The following FYB1 variants were observed in gnomAD, a reference collection of about 807,000 sequenced individuals.
The protein encoded by FYB1 is FYN-binding protein 1.
In FYB1, 41 loss-of-function variants were observed where a neutral mutation model predicts 94.1. The observed-to-expected ratio is 0.44, with a 90% CI of 0.34 to 0.57. The LOEUF (loss-of-function observed/expected upper bound fraction) is 0.57, where lower values mean the gene tolerates loss of function less well. FYB1 is among the 20% of genes least tolerant of loss of function. The pLI, the probability that FYB1 is intolerant of heterozygous loss-of-function variation, is 0.02. For synonymous variants in FYB1, 367 were observed against 353.2 expected, an observed-to-expected ratio of 1.04 and a Z score of -0.44; for missense variants, 1,050 against 976.8, an observed-to-expected ratio of 1.07 and a Z score of -1.00.
chr5:39,273,244 G>A (rs751297192), intron 1 of FYB1, among the ~76,000 whole-genome samples: 3 of 152,214 alleles, frequency 2.0e-5, no homozygotes, highest in Non-Finnish European at 4.4e-5. Flanking sequence ...GATGGTTGCT[G>A]TGTCTGTGTA....
At chr5:39,270,553 A>C in intron 1 of FYB1, 1 of 1,534,308 alleles carries the variant, frequency 6.5e-7, no homozygotes, top group Admixed American at 2.0e-5. Flanking sequence ...GGAGAGTTAT[A>C]AAATCTATTA....
At chr5:39,216,681 T>C (rs966448235) in intron 1 of FYB1, among the ~76,000 whole-genome samples, 1 of 152,220 alleles carries the variant, frequency 6.6e-6, no homozygotes, top group Non-Finnish European at 1.5e-5. Flanking sequence ...AAAGACTGTT[T>C]CATGATTATT....
intron 2 of FYB1, among the ~76,000 whole-genome samples, chr5:39,186,443 A>G (rs1286753186): frequency 3.9e-5 from 6 of 152,008 alleles, no homozygotes; most frequent in Non-Finnish European, 8.8e-5. Context: ...CAAAACAAAA[A>G]AGGCAACACT....
chr5:39,252,726 G>C (rs540172992), intron 1 of FYB1, among the ~76,000 whole-genome samples: 1 of 152,076 alleles, frequency 6.6e-6, no homozygotes, highest in Non-Finnish European at 1.5e-5. Flanking sequence ...TTTTACCCTA[G>C]AGAACTAGGA....
intron 1 of FYB1, among the ~76,000 whole-genome samples, chr5:39,215,323 G>A (rs117502672): frequency 6.6e-6 from 1 of 152,264 alleles, no homozygotes; most frequent in East Asian, 1.9e-4. Context: ...AAATCCATTT[G>A]AGAAATATAA....
At chr5:39,215,341 TCTCA>T (rs1469889682) in intron 1 of FYB1, among the ~76,000 whole-genome samples, 1 of 152,156 alleles carries the variant, frequency 6.6e-6, no homozygotes, top group Non-Finnish European at 1.5e-5. Flanking sequence ...TAAACACAAC[TCTCA>T]CTGACTACTT....
rs146021755 is a variant in FYB1 at position 39,179,693 on chromosome 5, G to C, written c.1135+22133C>G. On this transcript the variant is annotated intron_variant, in intron 2 of 18. Coordinates refer to ENST00000512982, the MANE Select transcript of FYB1 (RefSeq NM_001465.6). ...CCCAAGTACCAATGTCTACCAGGCT[G>C]GTCTCAAACTCCTGACCTCAGGTGA... Among the ~76,000 whole-genome samples the C allele has an allele frequency of 6.7e-3, 1,023 of 151,992 alleles. 43 individuals carry two copies. The East Asian group carries it at 0.12, about 18-fold the overall frequency.
chr5:39,257,981 T>G (rs1371896525), intron 1 of FYB1, among the ~76,000 whole-genome samples: 1 of 152,158 alleles, frequency 6.6e-6, no homozygotes, highest in Non-Finnish European at 1.5e-5. Context: ...ATCTCAAACT[T>G]GAGCGTGCAT....
At chr5:39,262,762 A>G (rs1287064055) in intron 1 of FYB1, among the ~76,000 whole-genome samples, 3 of 152,196 alleles carry the variant, frequency 2.0e-5, no homozygotes, top group African/African-American at 7.2e-5. Context: ...GATATTCTTG[A>G]AAAAAACCCA....
intron 16 of FYB1, among the ~76,000 whole-genome samples, chr5:39,117,824 AT>A (rs1300468265): frequency 6.6e-6 from 1 of 152,094 alleles, no homozygotes; most frequent in Non-Finnish European, 1.5e-5. Flanking sequence ...TCTTCTCGGG[AT>A]TTAAATACGC....
intron 2 of FYB1, chr5:39,170,412 C>A: frequency 2.0e-6 from 1 of 508,536 alleles, no homozygotes. Context: ...CGTCCTGGGC[C>A]GGACCCCCTC....
chr5:39,125,909 T>G, intron 12 of FYB1, 89 bp downstream of exon 12: 1 of 1,258,638 alleles, frequency 7.9e-7, no homozygotes, highest in Non-Finnish European at 1.1e-6. Context: ...TATCAGAATT[T>G]GGTTATTGGT....
intron 2 of FYB1, among the ~76,000 whole-genome samples, chr5:39,170,939 T>C (rs1327775452): frequency 6.6e-6 from 1 of 152,178 alleles, no homozygotes; most frequent in Non-Finnish European, 1.5e-5. Flanking sequence ...ATCAGAACGC[T>C]CCTTTCCCCT....
intron 4 of FYB1, chr5:39,139,667 A>T (rs1376182667): frequency 1.3e-5 from 2 of 152,814 alleles, no homozygotes; most frequent in Non-Finnish European, 2.9e-5. Flanking sequence ...GGATTAAAAA[A>T]ATTTAATAAG....
At chr5:39,174,254 G>A (rs1260889263) in intron 2 of FYB1, among the ~76,000 whole-genome samples, 1 of 152,112 alleles carries the variant, frequency 6.6e-6, no homozygotes, top group African/African-American at 2.4e-5. Flanking sequence ...CTGCTAGAAT[G>A]TTGTTGGTAT....
At chr5:39,261,896 G>C (rs1334422600) in intron 1 of FYB1, among the ~76,000 whole-genome samples, 1 of 152,176 alleles carries the variant, frequency 6.6e-6, no homozygotes, top group Non-Finnish European at 1.5e-5. Context: ...GAAAGTGATG[G>C]GGGAAAAGAA....
chr5:39,207,838 G>C (rs1257055665), intron 1 of FYB1, among the ~76,000 whole-genome samples: 1 of 152,162 alleles, frequency 6.6e-6, no homozygotes, highest in Non-Finnish European at 1.5e-5. Context: ...CATTTTTGAC[G>C]AAAATGACCA....
At chr5:39,189,726 G>A (rs928958022) in intron 2 of FYB1, among the ~76,000 whole-genome samples, 7 of 152,244 alleles carry the variant, frequency 4.6e-5, no homozygotes, top group Admixed American at 6.5e-5. Context: ...GAAGGACGGA[G>A]ACTGCCAATA....
rs575208661 is a variant in FYB1 at position 39,181,141 on chromosome 5, GA to G, written c.1135+20684del. On this transcript the variant is annotated intron_variant, in intron 2 of 18. Transcript: ENST00000512982. ...GGACAGAAATAACTGACACCATATA[GA>G]ACAGAATACGTATGATGTTGTGGGA... 5.9e-5 allele frequency among the ~76,000 whole-genome samples: 9 copies of G among 152,288 alleles called. No homozygotes were observed. In the East Asian group the frequency reaches 1.7e-3, roughly 29 times the overall value.
Sources: gnomAD v4.1 joint callset for allele counts (sites outside exome capture counted in the v4.1 genomes callset) on GRCh38, gnomAD v4.1.1 for gene constraint, MANE v1.5 for transcripts, NCBI Gene and HGNC (gene_info 2026-07-23, HGNC 2026-07-21) for gene names.